Variants in TBL1X observed in about 807,000 individuals in gnomAD.
TBL1X encodes the protein F-box-like/WD repeat-containing protein TBL1X.
A neutral mutation model predicts 50.7 loss-of-function variants in TBL1X; 10 were observed. The ratio of observed to expected loss-of-function variants is 0.20; its 90% CI spans 0.12 to 0.33. The LOEUF (loss-of-function observed/expected upper bound fraction) is 0.33, where lower values mean the gene tolerates loss of function less well. Among genes scored for constraint, TBL1X ranks in the 10% least tolerant of loss-of-function variants. TBL1X has a pLI of 1.00. For missense variants in TBL1X, 340 were observed against 504.4 expected (o/e 0.67, Z 3.12); for synonymous variants, 190 against 214.7 (o/e 0.88, Z 1.01).
At chrX:9,634,423 A>C (rs937846539) in intron 2 of TBL1X, among the ~76,000 whole-genome samples, 1 of 111,789 alleles carries the variant, frequency 8.9e-6, no homozygotes, top group Non-Finnish European at 1.9e-5. Flanking sequence ...AAGCACATTA[A>C]ATATTTAAAA....
chrX:9,685,947 G>A (rs1242590291), intron 6 of TBL1X, among the ~76,000 whole-genome samples: 2 of 109,911 alleles, frequency 1.8e-5, no homozygotes, highest in Admixed American at 9.6e-5. Context: ...GGGCTCAAGC[G>A]ATCCTCCCGC....
At chrX:9,624,547 A>G (rs73478831) in intron 2 of TBL1X, among the ~76,000 whole-genome samples, 4,828 of 112,018 alleles carry the variant, frequency 0.043, 119 homozygotes, top group African/African-American at 0.084. Flanking sequence ...AACAGGATCA[A>G]TACAAATCAG....
chrX:9,520,232 G>A (rs2082100320), intron 2 of TBL1X, among the ~76,000 whole-genome samples: 1 of 112,346 alleles, frequency 8.9e-6, no homozygotes, highest in Non-Finnish European at 1.9e-5. Context: ...CACTTACACT[G>A]CAGAACTTTG....
At chrX:9,489,810 A>G (rs917687220) in intron 1 of TBL1X, among the ~76,000 whole-genome samples, 25 of 111,402 alleles carry the variant, frequency 2.2e-4, no homozygotes, top group Non-Finnish European at 4.3e-4. Flanking sequence ...GACTTCCACT[A>G]TGGGAGGATG....
At chrX:9,469,659 A>G (rs1039929489) in intron 1 of TBL1X, among the ~76,000 whole-genome samples, 2 of 112,294 alleles carry the variant, frequency 1.8e-5, no homozygotes, top group Non-Finnish European at 3.8e-5. Context: ...TGGGTGCATT[A>G]TGAGTCTTGA....
intron 5 of TBL1X, among the ~76,000 whole-genome samples, chrX:9,677,827 T>C (rs1289184735): frequency 8.9e-6 from 1 of 112,077 alleles, no homozygotes; most frequent in Non-Finnish European, 1.9e-5. Flanking sequence ...GGTAATTTAT[T>C]TTCTCTACAT....
chrX:9,653,975 C>T (rs1445646024), intron 4 of TBL1X, among the ~76,000 whole-genome samples: 2 of 111,693 alleles, frequency 1.8e-5, no homozygotes, highest in Non-Finnish European at 3.8e-5. Flanking sequence ...CTCAATTCTT[C>T]CCCGGCCTTA....
chrX:9,525,204 A>C (rs1268011129), intron 2 of TBL1X, among the ~76,000 whole-genome samples: 1 of 111,281 alleles, frequency 9.0e-6, no homozygotes, highest in African/African-American at 3.3e-5. Flanking sequence ...TTCCATGGAA[A>C]CCCGGAACAC....
chrX:9,483,474 G>GATCT, intron 1 of TBL1X, among the ~76,000 whole-genome samples: 1 of 111,779 alleles, frequency 8.9e-6, no homozygotes, highest in Admixed American at 9.4e-5. Context: ...CCTTGGCTTT[G>GATCT]ATCTGGTGGT....
intron 2 of TBL1X, among the ~76,000 whole-genome samples, chrX:9,573,644 T>A (rs1431302680): frequency 8.9e-6 from 1 of 112,467 alleles, no homozygotes; most frequent in East Asian, 2.8e-4. Flanking sequence ...TACCTCACCG[T>A]GCCAGGGATG....
chrX:9,649,708 A>C (rs1276927335), intron 3 of TBL1X, among the ~76,000 whole-genome samples: 4 of 111,891 alleles, frequency 3.6e-5, no homozygotes, highest in Non-Finnish European at 7.5e-5. Flanking sequence ...TATTTATCAC[A>C]GATGCTCCTG....
At chrX:9,470,342 C>T (rs778842839) in intron 1 of TBL1X, among the ~76,000 whole-genome samples, 8 of 112,545 alleles carry the variant, frequency 7.1e-5, no homozygotes, top group African/African-American at 2.3e-4. Context: ...GCGCGATCTC[C>T]GCCCGCAAGT....
chrX:9,586,517 G>A (rs964718509), intron 2 of TBL1X, among the ~76,000 whole-genome samples: 1 of 112,285 alleles, frequency 8.9e-6, no homozygotes, highest in Non-Finnish European at 1.9e-5. Context: ...TGTTGAATGG[G>A]CATAGAGTTG....
intron 2 of TBL1X, among the ~76,000 whole-genome samples, chrX:9,592,103 T>C (rs1459831282): frequency 8.9e-6 from 1 of 112,445 alleles, no homozygotes; most frequent in African/African-American, 3.2e-5. Context: ...TCCCCATTGC[T>C]GACTCCTGTT....
chrX:9,654,827 CAT>C (rs770140136), intron 5 of TBL1X, among the ~76,000 whole-genome samples: 112 of 111,570 alleles, frequency 1.0e-3, no homozygotes, highest in African/African-American at 3.3e-3. Context: ...CAGCCAATCA[CAT>C]GTGTTCGTTG....
At chrX:9,612,614 A>T (rs1412724502) in intron 2 of TBL1X, among the ~76,000 whole-genome samples, 1 of 112,040 alleles carries the variant, frequency 8.9e-6, no homozygotes, top group Non-Finnish European at 1.9e-5. Flanking sequence ...TATCCGCAAG[A>T]TATTTTATGT....
chrX:9,544,208 A>G (rs371023113), intron 2 of TBL1X, among the ~76,000 whole-genome samples: 22 of 112,685 alleles, frequency 2.0e-4, no homozygotes, highest in African/African-American at 6.8e-4. Context: ...GGAGAAGTAC[A>G]GGCATTGCTA....
chrX:9,539,642 C>T (rs761462342), intron 2 of TBL1X, among the ~76,000 whole-genome samples: 1 of 112,055 alleles, frequency 8.9e-6, no homozygotes, highest in African/African-American at 3.2e-5. Context: ...TATAGCACTT[C>T]TGGGTTGTTT....
intron 12 of TBL1X, among the ~76,000 whole-genome samples, chrX:9,701,785 C>T (rs949326999): frequency 1.8e-5 from 2 of 110,687 alleles, no homozygotes; most frequent in African/African-American, 6.6e-5. Flanking sequence ...TAATCACATG[C>T]CGAAATGCAG....
Sources: gnomAD v4.1 joint callset for allele counts (sites outside exome capture counted in the v4.1 genomes callset) on GRCh38, gnomAD v4.1.1 for gene constraint, MANE v1.5 for transcripts, NCBI Gene and HGNC (gene_info 2026-07-23, HGNC 2026-07-21) for gene names.